CHRNA5: variants seen among roughly 807,000 people sequenced by gnomAD.
The protein encoded by CHRNA5 is cholinergic receptor nicotinic alpha 5 subunit.
Under a neutral mutation model 41.2 loss-of-function variants are expected in CHRNA5, and 28 were observed. That is an observed-to-expected ratio of 0.68 (90% CI 0.50 to 0.93). The LOEUF (loss-of-function observed/expected upper bound fraction) is 0.93, where lower values mean the gene tolerates loss of function less well. CHRNA5 is among the 40% of genes least tolerant of loss of function. The probability of loss-of-function intolerance (pLI) is 0.00; values close to 1 mark genes in which losing one functional copy is unlikely to be tolerated. For missense variants in CHRNA5, 481 were observed against 581.9 expected (o/e 0.83, Z 1.78); for synonymous variants, 188 against 205.8 (o/e 0.91, Z 0.74).
intron 1 of CHRNA5, among the ~76,000 whole-genome samples, chr15:78,577,227 C>T (rs182793495): frequency 5.9e-5 from 9 of 152,318 alleles, no homozygotes; most frequent in African/African-American, 1.9e-4. Flanking sequence ...TCTGTAGCAG[C>T]AACCCTTCTT....
rs777337280 is a variant in CHRNA5, at chr15:78,588,392, G to C, written c.382G>C (p.Val128Leu). Reference sequence around the variant, plus strand: ...AGTTATACGTGTTCCTTCAGACTCTGTCTGGACACCAGACATCGTTTTGTT... The same window carrying C: ...AGTTATACGTGTTCCTTCAGACTCTCTCTGGACACCAGACATCGTTTTGTT... The change falls in exon 4 of 6, where the codon GTC (valine) becomes CTC (leucine). Residue 128 changes from valine (V) to leucine (L), a missense_variant. By Grantham distance (32) the Val-to-Leu change is conservative. Transcript: ENST00000299565. This position sits in a 1 kb window ranked among gnomAD's most constrained non-coding sequence, Gnocchi z 4.1. 1.3e-6 allele frequency: 2 copies of C among 1,568,934 alleles called. No individual in the cohort carries two copies. The highest frequency in any genetic ancestry group is 2.4e-5 in the South Asian group (2 of 83,800).
In CHRNA5 at chr15:78,588,523, A is replaced by G. The variant is rs2052982111; in HGVS notation, c.413+100A>G. ...TTCTCCCTTTTGAAATTGTTTAGGT[A>G]TAAAAATCAAATGACATGACCGCAT... On this transcript the variant is annotated intron_variant, in intron 4 of 5. Coordinates refer to ENST00000299565, the Ensembl canonical transcript of CHRNA5. The surrounding 1 kb of genome is among the most constrained non-coding windows in gnomAD (Gnocchi z 4.1). 2 of 560,516 alleles carry G rather than the reference A, an allele frequency of 3.6e-6. No homozygotes were observed. The highest frequency in any genetic ancestry group is 3.9e-5 in the African/African-American group (2 of 51,894). 34.7% of individuals were successfully genotyped at this position (560,516 alleles called of 1,614,324 possible).
At chr15:78,580,279 CAAAAAAAAAAA>C (rs71148541) in intron 1 of CHRNA5, among the ~76,000 whole-genome samples, 49 of 61,998 alleles carry the variant, frequency 7.9e-4, no homozygotes, top group African/African-American at 2.7e-3. Flanking sequence ...GACTCCGTCT[CAAAAAAAAAAA>C]AAAAAAAAAA....
intron 2 of CHRNA5, among the ~76,000 whole-genome samples, chr15:78,583,388 G>A (rs1185749271): frequency 2.0e-5 from 3 of 152,128 alleles, no homozygotes; most frequent in Non-Finnish European, 4.4e-5. Context: ...GAGTGGAAGA[G>A]TAACACATTT....
chr15:78,573,174 TG>T (rs2052822329), intron 1 of CHRNA5, among the ~76,000 whole-genome samples: 1 of 152,120 alleles, frequency 6.6e-6, no homozygotes, highest in Admixed American at 6.5e-5. Flanking sequence ...GTATGTCTAG[TG>T]GGTAGAAGCC....
intron 1 of CHRNA5, among the ~76,000 whole-genome samples, chr15:78,570,791 G>A (rs1006108234): frequency 4.6e-5 from 7 of 151,994 alleles, no homozygotes; most frequent in African/African-American, 1.7e-4. Context: ...CTTTCCTCTA[G>A]GTCAGGATTT....
intron 3 of CHRNA5, 68 bp downstream of exon 3, chr15:78,586,757 G>GC: frequency 1.2e-5 from 13 of 1,074,892 alleles, no homozygotes; most frequent in Non-Finnish European, 1.8e-5. Context: ...TATATGTATT[G>GC]TAGCAGAAAT....
In CHRNA5 at chr15:78,588,125, A is replaced by G. The variant is rs565529130; in HGVS notation, c.304-189A>G. ...TTCTCACCTGTGTCTCACAGGGACC[A>G]TGGTGAGAACCACTACACAAGGGGA... On this transcript the variant is annotated intron_variant, in intron 3 of 5. Coordinates refer to ENST00000299565, the Ensembl canonical transcript of CHRNA5. The surrounding 1 kb of genome is among the most constrained non-coding windows in gnomAD (Gnocchi z 4.1). Among the ~76,000 whole-genome samples, 28 of 152,170 alleles carry G rather than the reference A, an allele frequency of 1.8e-4. No individual in the cohort carries two copies. The highest frequency in any genetic ancestry group is 2.9e-4 in the Non-Finnish European group (20 of 68,014).
intron 1 of CHRNA5, among the ~76,000 whole-genome samples, chr15:78,568,165 G>A (rs1480977366): frequency 1.3e-5 from 2 of 152,152 alleles, no homozygotes; most frequent in African/African-American, 4.8e-5. Flanking sequence ...TTTTCTGTGA[G>A]CCAGTTCCCA....
At position 78,565,552 on chromosome 15, in the gene CHRNA5, G is replaced by A. The variant is rs1373229855; in HGVS notation, c.-168G>A. 2.8e-5 allele frequency: 6 copies of A among 215,098 alleles called. No homozygotes were observed. The East Asian group carries it at 7.0e-4, about 25-fold the overall frequency. The allele number at this position is 215,098 out of a possible 1,614,324, so 13.3% of individuals were successfully genotyped here. ...TCCCGAGCCCGCCAGAAGCTGCTAG[G>A]CTGAGGCTGCTGTCCCGGCGGGAGC... On this transcript the variant is annotated 5_prime_UTR_variant, in exon 1 of 6. Transcript: ENST00000299565.
At chr15:78,570,698 T>C (rs546987802) in intron 1 of CHRNA5, among the ~76,000 whole-genome samples, 8 of 152,316 alleles carry the variant, frequency 5.3e-5, no homozygotes, top group Non-Finnish European at 7.3e-5. Flanking sequence ...AAAGGTGATA[T>C]GAACTTTTAG....
intron 1 of CHRNA5, among the ~76,000 whole-genome samples, chr15:78,572,952 TG>T (rs2052820133): frequency 6.6e-6 from 1 of 152,248 alleles, no homozygotes; most frequent in South Asian, 2.1e-4. Context: ...TATGAGCTTC[TG>T]GATTTGAATT....
At chr15:78,566,102 T>C (rs1202397452) in intron 1 of CHRNA5, among the ~76,000 whole-genome samples, 1 of 152,108 alleles carries the variant, frequency 6.6e-6, no homozygotes, top group East Asian at 1.9e-4. Flanking sequence ...CACACAACTT[T>C]TTCAGTAAAA....
intron 1 of CHRNA5, among the ~76,000 whole-genome samples, chr15:78,567,777 C>A (rs1449317622): frequency 3.3e-5 from 5 of 152,196 alleles, no homozygotes; most frequent in African/African-American, 1.2e-4. Flanking sequence ...AAGGATCCCC[C>A]TTCCACCTTG....
chr15:78,593,076 A>AT lies in CHRNA5; in HGVS notation c.1246-9dup. 1.3e-6 allele frequency: 2 copies of AT among 1,596,240 alleles called. No homozygotes were observed. The highest frequency in any genetic ancestry group is 1.7e-6 in the Non-Finnish European group (2 of 1,174,092). On this transcript the variant is annotated splice_polypyrimidine_tract_variant and intron_variant, in intron 5 of 5. Coordinates refer to ENST00000299565, the Ensembl canonical transcript of CHRNA5. ...ATTTACAATTATTTAATGCATTTTTATTTTTTTCCTAACAGGTTGTTGAAG... is the reference window on the plus strand; with the variant it reads ...ATTTACAATTATTTAATGCATTTTTATTTTTTTTCCTAACAGGTTGTTGAAG...
At chr15:78,592,819 GTC>G (rs1354541814) in intron 5 of CHRNA5, among the ~76,000 whole-genome samples, 1 of 152,072 alleles carries the variant, frequency 6.6e-6, no homozygotes, top group African/African-American at 2.4e-5. Flanking sequence ...AAATATCCAA[GTC>G]TATTTTAATT....
intron 1 of CHRNA5, among the ~76,000 whole-genome samples, chr15:78,573,955 C>G (rs1161414161): frequency 6.9e-6 from 1 of 144,832 alleles, no homozygotes; most frequent in African/African-American, 2.5e-5. Flanking sequence ...CACCACCACG[C>G]CTGGCTAATT....
intron 2 of CHRNA5, among the ~76,000 whole-genome samples, chr15:78,583,723 C>A (rs1267102502): frequency 2.0e-5 from 3 of 151,646 alleles, no homozygotes; most frequent in Non-Finnish European, 4.4e-5. Flanking sequence ...AAATACTCTT[C>A]ATTGTTACGG....
At chr15:78,578,758 C>A (rs2052881944) in intron 1 of CHRNA5, among the ~76,000 whole-genome samples, 1 of 152,194 alleles carries the variant, frequency 6.6e-6, no homozygotes, top group Non-Finnish European at 1.5e-5. Flanking sequence ...AGAACAATCA[C>A]TTGCTACTGT....
Sources: gnomAD v4.1 joint callset for allele counts (sites outside exome capture counted in the v4.1 genomes callset) on GRCh38, gnomAD v4.1.1 for gene constraint, Gnocchi (gnomAD v3.1) non-coding constraint, MANE v1.5 for transcripts, NCBI Gene and HGNC (gene_info 2026-07-23, HGNC 2026-07-21) for gene names.